The following AP5M1 variants were observed in gnomAD, a reference collection of about 807,000 sequenced individuals.
AP5M1 encodes AP-5 complex subunit mu-1.
Under a neutral mutation model 52.3 loss-of-function variants are expected in AP5M1, and 44 were observed. The ratio of observed to expected loss-of-function variants is 0.84; its 90% CI spans 0.66 to 1.08. The LOEUF (loss-of-function observed/expected upper bound fraction) is 1.08, where lower values mean the gene tolerates loss of function less well. Among genes scored for constraint, AP5M1 ranks in the 50% least tolerant of loss-of-function variants. The probability of loss-of-function intolerance (pLI) is 0.00; values close to 1 mark genes in which losing one functional copy is unlikely to be tolerated. For synonymous variants in AP5M1, 213 were observed against 199.0 expected, an observed-to-expected ratio of 1.07 and a Z score of -0.59; for missense variants, 526 against 568.4, an observed-to-expected ratio of 0.93 and a Z score of 0.76.
At chr14:57,283,333 T>C (rs1885230190) in intron 6 of AP5M1, 103 bp downstream of exon 6, 2 of 745,672 alleles carry the variant, frequency 2.7e-6, no homozygotes, top group Non-Finnish European at 4.4e-6. Flanking sequence ...GTTTTAGAAT[T>C]CTGTTCTTTT....
chr14:57,278,307 G>A (rs959128262), intron 2 of AP5M1: 5 of 152,198 alleles, frequency 3.3e-5, no homozygotes, highest in African/African-American at 1.2e-4. Flanking sequence ...CTGGAGACTG[G>A]AGGAGATAGA....
rs1885198013 is a variant in AP5M1 at position 57,282,210 on chromosome 14, A to G, written c.1070A>G (p.His357Arg). ...VKNNFEFCEA[H>R]IPFYNRGPIT... ...AATAATTTTGAATTCTGTGAAGCCC[A>G]TATACCTTTTTACAATAGGTAGGAA... The change falls in exon 4 of 8, where the codon CAT becomes CGT. Residue 357 changes from histidine to arginine, a missense_variant. Transcript: ENST00000261558. 1 of 1,548,602 alleles carries G rather than the reference A, an allele frequency of 6.5e-7. No individual in the cohort carries two copies. Among genetic ancestry groups the G allele is most frequent in the Non-Finnish European group, 8.7e-7 (1 of 1,154,798 alleles).
rs1285569203 is a variant in AP5M1, at chr14:57,289,409, A to C, written c.*525A>C. On this transcript the variant is annotated 3_prime_UTR_variant, in exon 8 of 8. Transcript: ENST00000261558. Reference sequence around the variant, plus strand: ...CAGAGACCATGTTAGAGACAACTACATCTCTTCAAAAAACAGCCAACAGAG... The same window carrying C: ...CAGAGACCATGTTAGAGACAACTACCTCTCTTCAAAAAACAGCCAACAGAG... 6.6e-6 allele frequency: 1 copy of C among 152,112 alleles called. No individual in the cohort carries two copies. The highest frequency in any genetic ancestry group is 1.5e-5 in the Non-Finnish European group (1 of 68,016). The allele number at this position is 152,112 out of a possible 1,614,324, so 9.4% of individuals were successfully genotyped here. A position where few individuals can be genotyped will look rare whatever the true frequency, so the allele number is the denominator to read the frequency against.
rs1255872361 is a variant in AP5M1 at position 57,298,616 on chromosome 14, C to T, written c.*9732C>T. The T allele has an allele frequency of 6.6e-5, 10 of 152,102 alleles. No individual in the cohort carries two copies. Among genetic ancestry groups the T allele is most frequent in the Non-Finnish European group, 1.3e-4 (9 of 68,008 alleles). The allele number at this position is 152,102 out of a possible 1,614,324, so 9.4% of individuals were successfully genotyped here. On this transcript the variant is annotated 3_prime_UTR_variant, in exon 8 of 8. Transcript: ENST00000261558. The stretch of plus-strand genomic sequence containing the variant: ...ACCTATAATTATGTGACTGTGCCTT[C>T]AGATTATCAAAATTATATGAATTGT...
rs1464939239 is a variant in AP5M1, at chr14:57,273,589, C to T, written c.75-655C>T. ...GAAAAGATAAATTAGTAACTGCTTA[C>T]AGTTCAACTCAGAATATGCAAAAAC... On this transcript the variant is annotated intron_variant, in intron 1 of 7. Transcript: ENST00000261558. 4 of 559,170 alleles carry T rather than the reference C, an allele frequency of 7.2e-6. No homozygotes were observed. The East Asian group carries it at 8.5e-5, about 12-fold the overall frequency. The allele number at this position is 559,170 out of a possible 1,614,324, so 34.6% of individuals were successfully genotyped here. A position where few individuals can be genotyped will look rare whatever the true frequency, so the allele number is the denominator to read the frequency against.
At chr14:57,278,355 A>G (rs945003802) in intron 2 of AP5M1, 1 of 152,252 alleles carries the variant, frequency 6.6e-6, no homozygotes, top group African/African-American at 2.4e-5. Flanking sequence ...AGAAACTGCC[A>G]TATCTGTCTG....
Position 57,280,387 on chromosome 14 carries a change from T to G in AP5M1, c.913T>G (p.Leu305Val). ...GPYKFPFTPP[L>V]ESFNLCFYTS... Reference sequence around the variant, plus strand: ...TTACAAATTTCCATTCACTCCACCTTTAGAGTCATTCAACTTATGCTTCTA... The same window carrying G: ...TTACAAATTTCCATTCACTCCACCTGTAGAGTCATTCAACTTATGCTTCTA... The change falls in exon 3 of 8, where the codon TTA becomes GTA. Residue 305 changes from leucine (L) to valine (V), a missense_variant. Physicochemically the swap from Leu to Val is conservative, Grantham distance 32 (BLOSUM62 1). Transcript: ENST00000261558. 1.2e-6 allele frequency: 2 copies of G among 1,613,624 alleles called. No homozygotes were observed. The highest frequency in any genetic ancestry group is 1.7e-6 in the Non-Finnish European group (2 of 1,179,518).
chr14:57,280,559 G>A (rs932199692), intron 3 of AP5M1, 137 bp downstream of exon 3: 30 of 693,672 alleles, frequency 4.3e-5, no homozygotes, highest in Non-Finnish European at 7.3e-5. Flanking sequence ...GATTGAAGAT[G>A]AAGATTTAGA....
intron 3 of AP5M1, among the ~76,000 whole-genome samples, chr14:57,281,626 A>T (rs11846731): frequency 0.06 from 9,117 of 152,200 alleles, 921 homozygotes; most frequent in African/African-American, 0.21. Flanking sequence ...TCTGTGTCTT[A>T]CTTCACATGT....
chr14:57,281,959 T>G (rs1159518393), intron 3 of AP5M1, 130 bp from the exon 4 acceptor site: 1 of 713,788 alleles, frequency 1.4e-6, no homozygotes, highest in Non-Finnish European at 2.2e-6. Flanking sequence ...GAATATAGAT[T>G]CATCATTGCT....
Position 57,274,281 on chromosome 14 carries a change from A to C in AP5M1, c.112A>C (p.Asn38His), listed in dbSNP as rs1289367682. 1.2e-6 allele frequency: 2 copies of C among 1,613,862 alleles called. No homozygotes were observed. Among genetic ancestry groups the C allele is most frequent in the African/African-American group, 2.7e-5 (2 of 74,918 alleles). ...TGTTGAAAAACGAGCCAGAGTCTTC[A>C]ATGGAGCAAGTTATGTGCCTGTTCC... ...PTVEKRARVF[N>H]GASYVPVPED... Residue 38 changes from asparagine to histidine, a missense_variant, in exon 2 of 8, where the codon AAT (asparagine) becomes CAT (histidine). Asn to His is a moderately conservative substitution (Grantham distance 68, BLOSUM62 1). Coordinates refer to ENST00000261558, the MANE Select transcript of AP5M1 (RefSeq NM_018229.4).
chr14:57,281,632 C>T (rs1224589062), intron 3 of AP5M1, among the ~76,000 whole-genome samples: 2 of 152,250 alleles, frequency 1.3e-5, no homozygotes, highest in Non-Finnish European at 2.9e-5. Flanking sequence ...TCTTACTTCA[C>T]ATGTACCAGA....
intron 3 of AP5M1, 83 bp from the exon 4 acceptor site, chr14:57,282,005 TA>T (rs775104577): frequency 1.5e-4 from 180 of 1,211,694 alleles, no homozygotes; most frequent in Non-Finnish European, 2.0e-4. Context: ...TCCAAGTCAT[TA>T]AAAGTAACTC....
intron 6 of AP5M1, among the ~76,000 whole-genome samples, chr14:57,283,857 ACACCT>A (rs1885244279): frequency 6.6e-6 from 1 of 152,146 alleles, no homozygotes; most frequent in Non-Finnish European, 1.5e-5. Context: ...ATGGTGGTGC[ACACCT>A]TTAGTCACAG....
rs1415118392 is a variant in AP5M1, at chr14:57,291,981, T to A, written c.*3097T>A. On this transcript the variant is annotated 3_prime_UTR_variant, in exon 8 of 8. Transcript: ENST00000261558. ...AGTCCTCAGGTTTAAGGGACTTTTT[T>A]AGGATTACATCTTAAATTCCAACAA... is the stretch of plus-strand genomic sequence containing the variant. 6.6e-6 allele frequency: 1 copy of A among 151,836 alleles called. No individual in the cohort carries two copies. The highest frequency in any genetic ancestry group is 1.5e-5 in the Non-Finnish European group (1 of 67,844). 9.4% of individuals were successfully genotyped at this position (151,836 alleles called of 1,614,324 possible).
rs1469124873 is a variant in AP5M1, at chr14:57,294,052, A to C, written c.*5168A>C. ...ATGGATATAACATTAGTGTTTGTGTATAGCCTGGAACAATACAAGGCTGTA... is the reference window on the plus strand; with the variant it reads ...ATGGATATAACATTAGTGTTTGTGTCTAGCCTGGAACAATACAAGGCTGTA... On this transcript the variant is annotated 3_prime_UTR_variant, in exon 8 of 8. Transcript: ENST00000261558. 1 of 151,828 alleles carries C rather than the reference A, an allele frequency of 6.6e-6. No individual in the cohort carries two copies. Among genetic ancestry groups the C allele is most frequent in the Non-Finnish European group, 1.5e-5 (1 of 67,810 alleles). 9.4% of individuals were successfully genotyped at this position (151,828 alleles called of 1,614,324 possible). A position where few individuals can be genotyped will look rare whatever the true frequency, so the allele number is the denominator to read the frequency against.
At chr14:57,273,015 C>T (rs1455002511) in intron 1 of AP5M1, among the ~76,000 whole-genome samples, 2 of 151,988 alleles carry the variant, frequency 1.3e-5, no homozygotes, top group African/African-American at 4.8e-5. Context: ...CGGCTCGGCT[C>T]ATTGCAACCT....
At chr14:57,271,462 A>G (rs1884894128) in intron 1 of AP5M1, 1 of 152,224 alleles carries the variant, frequency 6.6e-6, no homozygotes. Flanking sequence ...AATGATTGTT[A>G]GTCCTTTAAG....
At position 57,269,126 on chromosome 14, in the gene AP5M1, G is replaced by T; in HGVS notation, c.-189G>T. On this transcript the variant is annotated 5_prime_UTR_variant, in exon 1 of 8. Coordinates refer to ENST00000261558, the MANE Select transcript of AP5M1 (RefSeq NM_018229.4). ...TTAGAACTTTTTGTGGTGTGTGTTG[G>T]CCTAGAGCGACTCAGAAGCGTTAGT... The T allele has an allele frequency of 1.6e-6, 1 of 608,264 alleles. No individual in the cohort carries two copies. The highest frequency in any genetic ancestry group is 2.9e-6 in the Non-Finnish European group (1 of 343,872). 37.7% of individuals were successfully genotyped at this position (608,264 alleles called of 1,614,324 possible). A position where few individuals can be genotyped will look rare whatever the true frequency, so the allele number is the denominator to read the frequency against.
Sources: gnomAD v4.1 joint callset for allele counts (sites outside exome capture counted in the v4.1 genomes callset) on GRCh38, gnomAD v4.1.1 for gene constraint, MANE v1.5 for transcripts, NCBI Gene and HGNC (gene_info 2026-07-23, HGNC 2026-07-21) for gene names.